The following SURF2 variants were observed in gnomAD, a reference collection of about 807,000 sequenced individuals.
The protein encoded by SURF2 is surfeit locus protein 2.
SURF2 carries 32 observed loss-of-function variants against 26.2 expected under a neutral mutation model. That is an observed-to-expected ratio of 1.22 (90% confidence interval 0.92 to 1.64). The LOEUF (loss-of-function observed/expected upper bound fraction) is 1.64. Among genes scored for constraint, SURF2 ranks in the 40% most tolerant of loss-of-function variants. The pLI, the probability that SURF2 is intolerant of heterozygous loss-of-function variation, is 0.00. For synonymous variants in SURF2, 173 were observed against 139.1 expected, an observed-to-expected ratio of 1.24 and a Z score of -1.71; for missense variants, 415 against 341.6, an observed-to-expected ratio of 1.21 and a Z score of -1.69.
In SURF2 at chr9:133,360,032, C is replaced by T. The variant is rs144144547; in HGVS notation, c.420C>T (p.Asp140=). The change falls in exon 4 of 6, where the codon GAC becomes GAT. Residue 140 remains aspartate (D), a synonymous_variant. Transcript: ENST00000371964. ...GGAGGAGGAGGGAGGACCAGATGGACGGTGACGGGCCTCGCCCGCGGGAAG... is the reference window on the plus strand; with the variant it reads ...GGAGGAGGAGGGAGGACCAGATGGATGGTGACGGGCCTCGCCCGCGGGAAG... ...HRRRRREDQM[D]GDGPRPREAF... 59 of 1,613,894 alleles carry T rather than the reference C, an allele frequency of 3.7e-5. 1 individual carries two copies. The highest frequency in any genetic ancestry group is 1.6e-4 in the South Asian group (15 of 91,060).
chr9:133,357,519 A>T (rs1836640362), intron 2 of SURF2, among the ~76,000 whole-genome samples, 192 bp from the exon 3 acceptor site: 1 of 152,178 alleles, frequency 6.6e-6, no homozygotes, highest in African/African-American at 2.4e-5. Flanking sequence ...TCCGGTAAAC[A>T]TTAAGAGGCT....
chr9:133,358,123 G>T (rs928276421), intron 3 of SURF2, among the ~76,000 whole-genome samples: 8 of 152,208 alleles, frequency 5.3e-5, no homozygotes, highest in African/African-American at 1.7e-4. Flanking sequence ...CTCGCTGAGG[G>T]ATTCGCTCGA....
At chr9:133,357,353 C>T in intron 2 of SURF2, 1 of 521,598 alleles carries the variant, frequency 1.9e-6, no homozygotes, top group East Asian at 3.2e-5. Flanking sequence ...CCCTTAACCC[C>T]AGAAGGGGTC....
chr9:133,357,428 A>T (rs1270085741), intron 2 of SURF2, among the ~76,000 whole-genome samples: 1 of 152,158 alleles, frequency 6.6e-6, no homozygotes, highest in Non-Finnish European at 1.5e-5. Flanking sequence ...GTTTCCATTC[A>T]TTGAGCCCTT....
At position 133,356,571 on chromosome 9, in the gene SURF2, C is replaced by G. The variant is rs1204675808; in HGVS notation, c.-22C>G. ...GGTTCTGCGAGCGGCTTCCGCCGGG[C>G]TGCTCCGCGGGCGCGTCGGCCATGA... is the stretch of plus-strand genomic sequence containing the variant. On this transcript the variant is annotated 5_prime_UTR_variant, in exon 1 of 6. Transcript: ENST00000371964. 33 of 1,515,040 alleles carry G rather than the reference C, an allele frequency of 2.2e-5. 1 individual carries two copies. Among genetic ancestry groups the G allele is most frequent in the Non-Finnish European group, 2.5e-5 (28 of 1,139,196 alleles). 93.8% of individuals were successfully genotyped at this position (1,515,040 alleles called of 1,614,324 possible).
intron 5 of SURF2, 56 bp from the exon 6 acceptor site, chr9:133,361,000 C>G (rs2130056172): frequency 1.3e-6 from 2 of 1,585,368 alleles, no homozygotes; most frequent in African/African-American, 2.7e-5. Context: ...CACTCCAGGG[C>G]CCCTTCTCCA....
chr9:133,359,968 A>G lies in SURF2; in HGVS notation c.356A>G (p.Gln119Arg). The G allele has an allele frequency of 6.2e-7, 1 of 1,612,048 alleles. No homozygotes were observed. The highest frequency in any genetic ancestry group is 8.5e-7 in the Non-Finnish European group (1 of 1,178,768). ...ALCKYEECQK[Q>R]GVEYVPACLV... ...CTCCCAGATGAAGAATGTCAGAAGC[A>G]AGGGGTGGAGTACGTGCCTGCCTGC... The change falls in exon 4 of 6, where the codon CAA (glutamine) becomes CGA (arginine). Residue 119 changes from glutamine (Q) to arginine (R), a missense_variant. By Grantham distance (43) the Gln-to-Arg change is conservative. Coordinates refer to ENST00000371964, the MANE Select transcript of SURF2 (RefSeq NM_017503.5).
In SURF2 at chr9:133,360,393, G is replaced by T. The variant is rs2130051042; in HGVS notation, c.646G>T (p.Glu216Ter). The T allele has an allele frequency of 6.2e-7, 1 of 1,613,028 alleles. No homozygotes were observed. Among genetic ancestry groups the T allele is most frequent in the South Asian group, 1.1e-5 (1 of 91,038 alleles). The change falls in exon 5 of 6, where the codon GAG becomes TAG. Residue 216 changes from glutamate (E) to a stop codon, truncating the protein, a stop_gained. Transcript: ENST00000371964. LOFTEE classifies it low-confidence loss of function (END_TRUNC). ...GAAGGCCACTGATGAGGGCAGGAGA[G>T]AGACGACCGTGTACCGAGGGCTGGT... is the stretch of plus-strand genomic sequence containing the variant. ...REKATDEGRR[E>*]TTVYRGLVQK...
In SURF2 at chr9:133,360,323, C is replaced by G; in HGVS notation, c.576C>G (p.Asp192Glu). 1 of 1,614,136 alleles carries G rather than the reference C, an allele frequency of 6.2e-7. No homozygotes were observed. The highest frequency in any genetic ancestry group is 1.1e-5 in the South Asian group (1 of 91,086). ...CGGAGGATGGGGATGGCACTGATGA[C>G]TTTTTGACAGACAAAGAGGATGAGA... ...GSTEDGDGTD[D>E]FLTDKEDEKA... The change falls in exon 5 of 6, where the codon GAC becomes GAG. Residue 192 changes from aspartate to glutamate, a missense_variant. By Grantham distance (45) the Asp-to-Glu change is conservative. Coordinates refer to ENST00000371964, the MANE Select transcript of SURF2 (RefSeq NM_017503.5).
chr9:133,360,737 G>A (rs2130054071), intron 5 of SURF2, among the ~76,000 whole-genome samples: 2 of 152,206 alleles, frequency 1.3e-5, no homozygotes, highest in African/African-American at 4.8e-5. Flanking sequence ...TGGGCACAGG[G>A]ACCTGATTAC....
intron 5 of SURF2, 113 bp downstream of exon 5, chr9:133,360,547 A>C: frequency 8.5e-6 from 11 of 1,293,160 alleles, no homozygotes; most frequent in African/African-American, 1.5e-5. Flanking sequence ...CCAAGCCAAC[A>C]ACACACAAGA....
At chr9:133,357,132 C>A in intron 2 of SURF2, 64 bp downstream of exon 2, 1 of 1,434,374 alleles carries the variant, frequency 7.0e-7, no homozygotes, top group Non-Finnish European at 9.2e-7. Flanking sequence ...CGCTGGACTC[C>A]GCCAGTGCTG....
intron 4 of SURF2, 60 bp downstream of exon 4, chr9:133,360,189 G>A: frequency 6.3e-7 from 1 of 1,592,408 alleles, no homozygotes; most frequent in Non-Finnish European, 8.6e-7. Context: ...AGCAGACTGT[G>A]GTGCTGCCTC....
intron 5 of SURF2, 56 bp from the exon 6 acceptor site, chr9:133,361,000 C>A: frequency 1.3e-6 from 2 of 1,585,368 alleles, no homozygotes; most frequent in Non-Finnish European, 1.7e-6. Context: ...CACTCCAGGG[C>A]CCCTTCTCCA....
In SURF2 at chr9:133,360,212, G is replaced by A; in HGVS notation, c.518-53G>A. On this transcript the variant is annotated intron_variant, in intron 4 of 5. Transcript: ENST00000371964. The stretch of plus-strand genomic sequence containing the variant: ...GTGGTGCTGCCTCCCCTGCAAAGGT[G>A]GCAGCGAACTCAGCCTAAAATAACT... 1.9e-6 allele frequency: 3 copies of A among 1,598,900 alleles called. No individual in the cohort carries two copies. In the South Asian group the frequency reaches 3.4e-5, roughly 18 times the overall value.
chr9:133,357,361 G>A (rs1588695222), intron 2 of SURF2: 2 of 520,972 alleles, frequency 3.8e-6, no homozygotes, highest in East Asian at 6.4e-5. Context: ...CCCAGAAGGG[G>A]TCTTTGATTT....
At position 133,356,603 on chromosome 9, in the gene SURF2, T is replaced by A. The variant is rs927341549; in HGVS notation, c.11T>A (p.Leu4Ter). 2.0e-6 allele frequency: 3 copies of A among 1,524,242 alleles called. No individual in the cohort carries two copies. The highest frequency in any genetic ancestry group is 2.6e-6 in the Non-Finnish European group (3 of 1,143,006). The allele number at this position is 1,524,242 out of a possible 1,614,324, so 94.4% of individuals were successfully genotyped here. A position where few individuals can be genotyped will look rare whatever the true frequency, so the allele number is the denominator to read the frequency against. The change falls in exon 1 of 6, where the codon TTG (leucine) becomes TAG (stop). Residue 4 changes from leucine to a stop codon, truncating the protein, a stop_gained. Coordinates refer to ENST00000371964, the MANE Select transcript of SURF2 (RefSeq NM_017503.5). LOFTEE classifies it high-confidence loss of function. MSE[L>*]PGDVRAFLRE... ...GCGGGCGCGTCGGCCATGAGCGAGT[T>A]GCCGGGCGACGTGCGGGCGTTTCTG...
chr9:133,357,059 C>G lies in SURF2; in HGVS notation c.224C>G (p.Thr75Ser), dbSNP rs2130032562. 8.9e-6 allele frequency: 14 copies of G among 1,579,864 alleles called. No individual in the cohort carries two copies. Among genetic ancestry groups the G allele is most frequent in the African/African-American group, 2.7e-5 (2 of 74,312 alleles). The part of the protein sequence containing the change: ...AEFEPHIVPS[T>S]KNPHQLFCKL... ...TTCGAGCCGCACATCGTGCCCAGCA[C>G]CAAGAACCCGTAGGTGGTCCGCGGC... Residue 75 changes from threonine to serine, a missense_variant, in exon 2 of 6, where the codon ACC (threonine) becomes AGC (serine). Physicochemically the swap from Thr to Ser is moderately conservative, Grantham distance 58. Transcript: ENST00000371964.
chr9:133,360,214 C>A, intron 4 of SURF2, 51 bp from the exon 5 acceptor site: 2 of 1,598,304 alleles, frequency 1.3e-6, no homozygotes, highest in South Asian at 1.1e-5. Flanking sequence ...GCAAAGGTGG[C>A]AGCGAACTCA....
Sources: allele counts gnomAD v4.1 joint callset (sites outside exome capture counted in the v4.1 genomes callset), GRCh38; gene constraint gnomAD v4.1.1; transcripts MANE v1.5; gene names NCBI Gene and HGNC (gene_info 2026-07-23, HGNC 2026-07-21).